Variants in PDPK1 observed in about 807,000 individuals in gnomAD.
PDPK1 encodes 3-phosphoinositide dependent protein kinase 1.
A neutral mutation model predicts 39.8 loss-of-function variants in PDPK1; 7 were observed. That is an observed-to-expected ratio of 0.18 (90% confidence interval 0.10 to 0.33). The LOEUF (loss-of-function observed/expected upper bound fraction) is 0.33. PDPK1 is among the 10% of genes least tolerant of loss of function. The probability of loss-of-function intolerance (pLI) is 1.00; values close to 1 mark genes in which losing one functional copy is unlikely to be tolerated. For synonymous variants in PDPK1, 118 were observed against 159.1 expected (o/e 0.74, Z 1.95); for missense variants, 182 against 384.7 (o/e 0.47, Z 4.41).
In PDPK1 at chr16:2,602,911, T is replaced by C. The variant is rs1457252585; in HGVS notation, c.*5144T>C. The C allele has an allele frequency of 8.6e-6, 2 of 232,718 alleles. No individual in the cohort carries two copies. Among genetic ancestry groups the C allele is most frequent in the Non-Finnish European group, 1.7e-5 (2 of 117,478 alleles). 14.4% of individuals were successfully genotyped at this position (232,718 alleles called of 1,614,324 possible). On this transcript the variant is annotated 3_prime_UTR_variant, in exon 14 of 14. Transcript: ENST00000342085. ...AGTCTGTGTTATTTAAATTCTAATA[T>C]ATGAATTATTTGAATTGAATTCATG...
intron 11 of PDPK1, chr16:2,592,834 G>A (rs1257545266): frequency 8.8e-6 from 4 of 456,594 alleles, no homozygotes; most frequent in Non-Finnish European, 1.8e-5. Context: ...GGCCACCGGG[G>A]AGTGGAATTG....
Position 2,602,067 on chromosome 16 carries a change from C to T in PDPK1, c.*4300C>T, listed in dbSNP as rs1274318881. 7 of 234,324 alleles carry T rather than the reference C, an allele frequency of 3.0e-5. No individual in the cohort carries two copies. Among genetic ancestry groups the T allele is most frequent in the Admixed American group, 1.1e-4 (2 of 17,762 alleles). The allele number at this position is 234,324 out of a possible 1,614,324, so 14.5% of individuals were successfully genotyped here. ...CCCTTGCCTGGCTGGTTGACAGACC[C>T]GGGGTGGTCACTGCTGAGACTTCAG... On this transcript the variant is annotated 3_prime_UTR_variant, in exon 14 of 14. Transcript: ENST00000342085.
At chr16:2,547,255 G>A (rs1343816356) in intron 1 of PDPK1, among the ~76,000 whole-genome samples, 1 of 146,594 alleles carries the variant, frequency 6.8e-6, no homozygotes, top group Admixed American at 6.6e-5. Flanking sequence ...TCCTGAGGGC[G>A]AGCGCTAGGT....
chr16:2,598,967 T>G lies in PDPK1; in HGVS notation c.*1200T>G. 4.3e-6 allele frequency: 1 copy of G among 233,342 alleles called. No homozygotes were observed. The allele number at this position is 233,342 out of a possible 1,614,324, so 14.5% of individuals were successfully genotyped here. Reference sequence around the variant, plus strand: ...GGCCCATAGAGTGGGCTTTGCCAGTTGCTGTTGCACAGGAGGCGAGAACAG... The same window carrying G: ...GGCCCATAGAGTGGGCTTTGCCAGTGGCTGTTGCACAGGAGGCGAGAACAG... On this transcript the variant is annotated 3_prime_UTR_variant, in exon 14 of 14. Coordinates refer to ENST00000342085, the MANE Select transcript of PDPK1 (RefSeq NM_002613.5).
chr16:2,544,615 G>A (rs2066302755), intron 1 of PDPK1, among the ~76,000 whole-genome samples: 1 of 150,922 alleles, frequency 6.6e-6, no homozygotes, highest in Non-Finnish European at 1.5e-5. Flanking sequence ...ACGGAGTCTC[G>A]CTCTGTCGCC....
chr16:2,542,796 G>A (rs1254580216), intron 1 of PDPK1, among the ~76,000 whole-genome samples: 1 of 152,144 alleles, frequency 6.6e-6, no homozygotes, highest in African/African-American at 2.4e-5. Context: ...GGTAGGTCTG[G>A]AGACCAAGGA....
At chr16:2,540,078 C>T (rs2066216830) in intron 1 of PDPK1, among the ~76,000 whole-genome samples, 1 of 152,220 alleles carries the variant, frequency 6.6e-6, no homozygotes, top group Admixed American at 6.5e-5. Context: ...TGCCGTGTTT[C>T]CTGTCTGTAA....
intron 1 of PDPK1, among the ~76,000 whole-genome samples, chr16:2,545,284 G>A (rs756893604): frequency 6.6e-6 from 1 of 151,994 alleles, no homozygotes. Flanking sequence ...GCCTTCCTCA[G>A]TGGTCACCTG....
rs372950862 is a variant in PDPK1 at position 2,600,015 on chromosome 16, C to T, written c.*2248C>T. On this transcript the variant is annotated 3_prime_UTR_variant, in exon 14 of 14. Transcript: ENST00000342085. ...ATGATGCCATTGCCTGAGCTGACAG[C>T]CAAGCCCTTCTGTGGGTCACCTTTC... 1.3e-5 allele frequency: 3 copies of T among 233,212 alleles called. No homozygotes were observed. The highest frequency in any genetic ancestry group is 2.5e-5 in the Non-Finnish European group (3 of 118,146). The allele number at this position is 233,212 out of a possible 1,614,324, so 14.4% of individuals were successfully genotyped here.
At chr16:2,552,320 A>T (rs1170111977) in intron 1 of PDPK1, among the ~76,000 whole-genome samples, 4 of 150,736 alleles carry the variant, frequency 2.7e-5, no homozygotes, top group African/African-American at 9.8e-5. Flanking sequence ...ATACCCAGAC[A>T]AGTTAAAGAA....
intron 1 of PDPK1, 96 bp downstream of exon 1, chr16:2,538,232 G>A (rs1478408510): frequency 6.6e-6 from 4 of 606,504 alleles, no homozygotes; most frequent in Non-Finnish European, 8.4e-6. Flanking sequence ...CCGGGGTCCC[G>A]AGGGCCGGGT....
chr16:2,546,198 C>G (rs1351497501), intron 1 of PDPK1, among the ~76,000 whole-genome samples: 2 of 151,736 alleles, frequency 1.3e-5, no homozygotes, highest in Non-Finnish European at 2.9e-5. Flanking sequence ...ATTCTCCTGC[C>G]TCAGCCTCCT....
At chr16:2,587,391 A>G (rs1347816019) in intron 11 of PDPK1, among the ~76,000 whole-genome samples, 1 of 152,194 alleles carries the variant, frequency 6.6e-6, no homozygotes, top group East Asian at 1.9e-4. Flanking sequence ...TGATGCTCCA[A>G]AAACAAACTT....
chr16:2,580,075 C>T (rs1261213683), intron 7 of PDPK1: 1 of 149,876 alleles, frequency 6.7e-6, no homozygotes, highest in Admixed American at 6.6e-5. Flanking sequence ...TCTTTCTGTG[C>T]ATTTTATAGC....
chr16:2,540,018 C>G (rs1043386390), intron 1 of PDPK1, among the ~76,000 whole-genome samples: 2 of 152,164 alleles, frequency 1.3e-5, no homozygotes, highest in Non-Finnish European at 2.9e-5. Context: ...CACGAACGAG[C>G]GTTTTGCATC....
Position 2,602,206 on chromosome 16 carries a change from T to TGG in PDPK1, c.*4443_*4444dup, listed in dbSNP as rs1277232901. 4.3e-6 allele frequency: 1 copy of TGG among 233,388 alleles called. No homozygotes were observed. The highest frequency in any genetic ancestry group is 2.3e-5 in the African/African-American group (1 of 44,126). The allele number at this position is 233,388 out of a possible 1,614,324, so 14.5% of individuals were successfully genotyped here. A position where few individuals can be genotyped will look rare whatever the true frequency, so the allele number is the denominator to read the frequency against. ...CATGAGCCTATGTTGACTCACTGGG[T>TGG]GGGGGTCCCTTCTTACGCAGCACAC... On this transcript the variant is annotated 3_prime_UTR_variant, in exon 14 of 14. Coordinates refer to ENST00000342085, the MANE Select transcript of PDPK1 (RefSeq NM_002613.5).
At chr16:2,592,492 G>C (rs1316384814) in intron 11 of PDPK1, 1 of 317,162 alleles carries the variant, frequency 3.2e-6, no homozygotes, top group Non-Finnish European at 6.1e-6. Flanking sequence ...TGGCCAACAT[G>C]GTGAAACCCT....
At chr16:2,573,791 G>T (rs1597046934) in intron 6 of PDPK1, among the ~76,000 whole-genome samples, 4 of 120,012 alleles carry the variant, frequency 3.3e-5, no homozygotes, top group Non-Finnish European at 5.0e-5. Context: ...TCCTTTTTCT[G>T]TTTTTATTTT....
chr16:2,596,482 C>T (rs751983512), intron 12 of PDPK1, among the ~76,000 whole-genome samples: 9 of 152,346 alleles, frequency 5.9e-5, no homozygotes, highest in South Asian at 4.1e-4. Flanking sequence ...GCGTGAGCCA[C>T]GGCGCCCGGC....
Sources: allele counts gnomAD v4.1 joint callset (sites outside exome capture counted in the v4.1 genomes callset), GRCh38; gene constraint gnomAD v4.1.1; transcripts MANE v1.5; gene names NCBI Gene and HGNC (gene_info 2026-07-23, HGNC 2026-07-21).